SPEF2: variants seen among roughly 807,000 people sequenced by gnomAD.
The protein encoded by SPEF2 is sperm flagellar and cilia associated 2, also known as sperm flagella and cilia-associated protein 2.
Under a neutral mutation model 224.6 loss-of-function variants are expected in SPEF2, and 187 were observed. That is an observed-to-expected ratio of 0.83 (90% CI 0.74 to 0.94). SPEF2 has a LOEUF of 0.94. Among genes scored for constraint, SPEF2 ranks in the 40% least tolerant of loss-of-function variants. The probability of loss-of-function intolerance (pLI) is 0.00; values close to 1 mark genes in which losing one functional copy is unlikely to be tolerated. For synonymous variants in SPEF2, 715 were observed against 707.3 expected, an observed-to-expected ratio of 1.01 and a Z score of -0.17; for missense variants, 2,170 against 2,135.6, an observed-to-expected ratio of 1.02 and a Z score of -0.32.
intron 20 of SPEF2, among the ~76,000 whole-genome samples, chr5:35,727,134 A>G (rs1451453035): frequency 6.6e-6 from 1 of 152,140 alleles, no homozygotes; most frequent in African/African-American, 2.4e-5. Context: ...ATTTCCCCAC[A>G]GAAACGCTGT....
chr5:35,740,170 A>C lies in SPEF2; in HGVS notation c.3233A>C (p.Gln1078Pro), dbSNP rs1376976547. The change falls in exon 23 of 37, where the codon CAA becomes CCA. Residue 1078 changes from glutamine (Q) to proline (P), a missense_variant. Physicochemically the swap from Gln to Pro is moderately conservative, Grantham distance 76. Coordinates refer to ENST00000356031, the MANE Select transcript of SPEF2 (RefSeq NM_024867.4). ...QEFLKRPDHK[Q>P]DFVAQWQADF... ...TTTCTAAAGCGTCCGGATCACAAGC[A>C]AGATTTTGTAGCTCAATGGCAGGCT... 6.2e-7 allele frequency: 1 copy of C among 1,614,012 alleles called. No individual in the cohort carries two copies. Among genetic ancestry groups the C allele is most frequent in the African/African-American group, 1.3e-5 (1 of 74,916 alleles).
chr5:35,776,123 A>G (rs1753582286), intron 28 of SPEF2, 134 bp from the exon 29 acceptor site: 1 of 767,462 alleles, frequency 1.3e-6, no homozygotes, highest in Non-Finnish European at 1.9e-6. Context: ...ATATCATCTT[A>G]TCTATTCTGG....
intron 25 of SPEF2, among the ~76,000 whole-genome samples, chr5:35,762,716 A>AG (rs1193419060): frequency 6.6e-6 from 1 of 152,094 alleles, no homozygotes; most frequent in African/African-American, 2.4e-5. Context: ...CTATTACTAA[A>AG]GGGGGATTCC....
At chr5:35,801,287 G>T (rs557744214) in intron 34 of SPEF2, among the ~76,000 whole-genome samples, 1 of 152,152 alleles carries the variant, frequency 6.6e-6, no homozygotes, top group Non-Finnish European at 1.5e-5. Flanking sequence ...AGGCCAAGGC[G>T]GGTGGCTCAC....
rs1025015308 is a variant in SPEF2 at position 35,723,884 on chromosome 5, T to C, written c.2915-3791T>C. 3.3e-5 allele frequency among the ~76,000 whole-genome samples: 5 copies of C among 152,236 alleles called. 1 individual carries two copies. In the South Asian group the frequency reaches 8.3e-4, roughly 25 times the overall value. Reference sequence around the variant, plus strand: ...CAAATGCAAAATACATTGGGTTTCATTGGAAGGTTGATGCCACACATACAA... The same window carrying C: ...CAAATGCAAAATACATTGGGTTTCACTGGAAGGTTGATGCCACACATACAA... On this transcript the variant is annotated intron_variant, in intron 20 of 36. Transcript: ENST00000356031.
intron 2 of SPEF2, among the ~76,000 whole-genome samples, chr5:35,639,065 A>G (rs1174419915): frequency 6.6e-6 from 1 of 152,150 alleles, no homozygotes; most frequent in Admixed American, 6.5e-5. Context: ...AGGCCTTTTT[A>G]CAAGGAAAAA....
At chr5:35,648,835 G>A (rs1013261254) in intron 5 of SPEF2, among the ~76,000 whole-genome samples, 1 of 151,886 alleles carries the variant, frequency 6.6e-6, no homozygotes, top group African/African-American at 2.4e-5. Context: ...TCAACCTGGC[G>A]AAACCCTGTC....
chr5:35,646,262 A>G (rs74470346), intron 4 of SPEF2, among the ~76,000 whole-genome samples: 8,253 of 152,232 alleles, frequency 0.054, 260 homozygotes, highest in African/African-American at 0.063. Flanking sequence ...CCTAGAAACT[A>G]TCTCCTAGAT....
chr5:35,798,275 C>A (rs1693749606), intron 33 of SPEF2, among the ~76,000 whole-genome samples: 1 of 151,770 alleles, frequency 6.6e-6, no homozygotes, highest in South Asian at 2.1e-4. Context: ...TCCAACCAGG[C>A]CTTGTGCATT....
At chr5:35,734,656 C>G (rs7702273) in intron 21 of SPEF2, among the ~76,000 whole-genome samples, 3,752 of 150,840 alleles carry the variant, frequency 0.025, 169 homozygotes, top group African/African-American at 0.088. Context: ...CTAAACAAAG[C>G]AGCACCTCTG....
At chr5:35,757,801 A>T (rs1750666096) in intron 24 of SPEF2, among the ~76,000 whole-genome samples, 1 of 152,200 alleles carries the variant, frequency 6.6e-6, no homozygotes, top group Non-Finnish European at 1.5e-5. Flanking sequence ...TTAAATATAT[A>T]TTTGTGTTTA....
chr5:35,813,542 A>G (rs555153704), intron 36 of SPEF2, among the ~76,000 whole-genome samples: 7 of 152,200 alleles, frequency 4.6e-5, no homozygotes, highest in Non-Finnish European at 1.0e-4. Context: ...AGACTAGAAA[A>G]GTCAATGGGG....
chr5:35,767,359 A>AT (rs1752223006), intron 26 of SPEF2, among the ~76,000 whole-genome samples: 2 of 151,590 alleles, frequency 1.3e-5, no homozygotes, highest in African/African-American at 4.8e-5. Context: ...TCATCCTTTC[A>AT]TTTTCATCTT....
chr5:35,722,973 C>T (rs985296018), intron 20 of SPEF2, among the ~76,000 whole-genome samples: 34 of 152,014 alleles, frequency 2.2e-4, no homozygotes, highest in African/African-American at 8.2e-4. Flanking sequence ...AAAATTTAGG[C>T]TCACAGATGG....
chr5:35,746,980 A>G (rs925135859), intron 23 of SPEF2, among the ~76,000 whole-genome samples: 1 of 152,226 alleles, frequency 6.6e-6, no homozygotes, highest in African/African-American at 2.4e-5. Context: ...TTCTCAGCAG[A>G]AACCCTAAAA....
intron 10 of SPEF2, among the ~76,000 whole-genome samples, chr5:35,673,242 G>A (rs544445169): frequency 2.5e-4 from 38 of 152,312 alleles, no homozygotes; most frequent in Non-Finnish European, 4.4e-5. Flanking sequence ...GGTTCCTGTA[G>A]TGCAGCTGGC....
At chr5:35,749,428 C>T (rs752362983) in intron 23 of SPEF2, among the ~76,000 whole-genome samples, 7 of 151,914 alleles carry the variant, frequency 4.6e-5, no homozygotes, top group Non-Finnish European at 1.0e-4. Flanking sequence ...TGTTTGCTGA[C>T]GATATGATCG....
intron 10 of SPEF2, among the ~76,000 whole-genome samples, chr5:35,687,452 T>C (rs1753794815): frequency 6.6e-6 from 1 of 152,080 alleles, no homozygotes; most frequent in Non-Finnish European, 1.5e-5. Flanking sequence ...ATTATATTTC[T>C]TCTTGCACTT....
rs2086874548 is a variant in SPEF2, at chr5:35,800,156, A to G, written c.5010+9A>G. 6.2e-7 allele frequency: 1 copy of G among 1,613,902 alleles called. No individual in the cohort carries two copies. The highest frequency in any genetic ancestry group is 1.1e-5 in the South Asian group (1 of 91,064). On this transcript the variant is annotated intron_variant, in intron 34 of 36. Coordinates refer to ENST00000356031, the MANE Select transcript of SPEF2 (RefSeq NM_024867.4). ...TTCCAAGTGCAGAAAAGGTAATTGC[A>G]TTCCAGAAATAGACTAACTATAGAG...
Sources: allele counts gnomAD v4.1 joint callset (sites outside exome capture counted in the v4.1 genomes callset), GRCh38; gene constraint gnomAD v4.1.1; transcripts MANE v1.5; gene names NCBI Gene and HGNC (gene_info 2026-07-23, HGNC 2026-07-21).